The following PTPRD variants were observed in gnomAD, a reference collection of about 807,000 sequenced individuals.
The protein encoded by PTPRD is protein tyrosine phosphatase receptor type D.
Under a neutral mutation model 214.5 loss-of-function variants are expected in PTPRD, and 34 were observed. That is an observed-to-expected ratio of 0.16 (90% CI 0.12 to 0.21). The LOEUF (loss-of-function observed/expected upper bound fraction) is 0.21. Ranked by LOEUF, PTPRD falls within the 10% of genes least tolerant of loss-of-function variation. The pLI is 1.00. For missense variants in PTPRD, 2,545 were observed against 2,398.7 expected (o/e 1.06, Z -1.27); for synonymous variants, 1,128 against 845.7 (o/e 1.33, Z -5.79).
At position 8,783,295 on chromosome 9, in the gene PTPRD, T is replaced by A. The variant is rs149866373; in HGVS notation, c.-103-49349A>T. 3.2e-3 allele frequency among the ~76,000 whole-genome samples: 489 copies of A among 152,340 alleles called. 1 individual carries two copies. Among genetic ancestry groups the A allele is most frequent in the South Asian group, 0.021 (100 of 4,830 alleles). On this transcript the variant is annotated intron_variant, in intron 11 of 45. Coordinates refer to ENST00000381196, the MANE Select transcript of PTPRD (RefSeq NM_002839.4). ...CATAAATAGAGCACAATGTTGGAGT[T>A]ATTAATTTCCCACAAAGTTAAAGAC...
chr9:9,146,948 TTTGAC>T lies in PTPRD; in HGVS notation c.-143+36351_-143+36355del, dbSNP rs528349373. ...AGTGATAATAAGGTCACCCAAAACA[TTTGAC>T]TTGACTTTTTAAAAACATTTTCTGA... On this transcript the variant is annotated intron_variant, in intron 10 of 45. Coordinates refer to ENST00000381196, the MANE Select transcript of PTPRD (RefSeq NM_002839.4). 4.6e-5 allele frequency among the ~76,000 whole-genome samples: 7 copies of T among 152,216 alleles called. No homozygotes were observed. The South Asian group carries it at 1.5e-3, about 32-fold the overall frequency.
chr9:9,477,427 G>T (rs1010627082), intron 8 of PTPRD, among the ~76,000 whole-genome samples: 1 of 152,130 alleles, frequency 6.6e-6, no homozygotes, highest in Non-Finnish European at 1.5e-5. Context: ...ATTAAACTGG[G>T]ACAATAATAT....
intron 2 of PTPRD, among the ~76,000 whole-genome samples, chr9:10,533,701 T>C (rs117029051): frequency 0.039 from 5,895 of 152,112 alleles, 199 homozygotes; most frequent in Middle Eastern, 0.082. Context: ...CCCAATTATA[T>C]AGATATCAGG....
intron 5 of PTPRD, among the ~76,000 whole-genome samples, chr9:9,816,992 T>C (rs1019708304): frequency 2.6e-5 from 4 of 152,042 alleles, no homozygotes; most frequent in African/African-American, 9.7e-5. Context: ...TTTATATACG[T>C]AACTACAGCA....
At chr9:8,856,457 T>A (rs548181294) in intron 11 of PTPRD, among the ~76,000 whole-genome samples, 1 of 152,208 alleles carries the variant, frequency 6.6e-6, no homozygotes, top group Non-Finnish European at 1.5e-5. Flanking sequence ...TTTCAAGTCA[T>A]AAGCAGTTAC....
chr9:8,978,658 C>A (rs2099283704), intron 11 of PTPRD, among the ~76,000 whole-genome samples: 1 of 152,070 alleles, frequency 6.6e-6, no homozygotes, highest in Non-Finnish European at 1.5e-5. Context: ...CCCCACTTCT[C>A]CACCTTGGCT....
At chr9:9,236,857 C>T (rs1265124383) in intron 9 of PTPRD, among the ~76,000 whole-genome samples, 1 of 152,070 alleles carries the variant, frequency 6.6e-6, no homozygotes, top group African/African-American at 2.4e-5. Context: ...TGACTACCGC[C>T]AGCTCTCAAT....
At chr9:8,445,320 A>G (rs1459240257) in intron 34 of PTPRD, among the ~76,000 whole-genome samples, 2 of 152,210 alleles carry the variant, frequency 1.3e-5, no homozygotes, top group African/African-American at 2.4e-5. Flanking sequence ...TGTCTCAAAT[A>G]TAACTTGGCT....
At chr9:9,498,805 T>A (rs941892398) in intron 8 of PTPRD, among the ~76,000 whole-genome samples, 1 of 152,156 alleles carries the variant, frequency 6.6e-6, no homozygotes, top group African/African-American at 2.4e-5. Flanking sequence ...TGATCTGTGA[T>A]AAATACACAA....
intron 12 of PTPRD, among the ~76,000 whole-genome samples, chr9:8,674,842 T>C (rs990509646): frequency 2.0e-5 from 3 of 152,304 alleles, no homozygotes; most frequent in African/African-American, 4.8e-5. Context: ...GTTTTTTGTA[T>C]GTGTTTTTTG....
At chr9:10,552,047 C>T (rs193176694) in intron 2 of PTPRD, among the ~76,000 whole-genome samples, 1 of 152,122 alleles carries the variant, frequency 6.6e-6, no homozygotes, top group Non-Finnish European at 1.5e-5. Flanking sequence ...ACATCTCTCC[C>T]ACAAATTTTC....
intron 3 of PTPRD, among the ~76,000 whole-genome samples, chr9:10,145,089 T>C (rs2099013302): frequency 6.6e-6 from 1 of 152,000 alleles, no homozygotes; most frequent in African/African-American, 2.4e-5. Flanking sequence ...CCCACGAAAA[T>C]ATCTACAGAG....
At chr9:8,356,488 A>G (rs547610296) in intron 39 of PTPRD, among the ~76,000 whole-genome samples, 48 of 152,324 alleles carry the variant, frequency 3.2e-4, no homozygotes, top group Non-Finnish European at 5.9e-4. Context: ...AATGCAGTCT[A>G]GTTCATGCAA....
intron 35 of PTPRD, among the ~76,000 whole-genome samples, chr9:8,425,033 T>A (rs1406287594): frequency 6.6e-6 from 1 of 152,200 alleles, no homozygotes; most frequent in Non-Finnish European, 1.5e-5. Flanking sequence ...CAAAGCATGG[T>A]GGTGTGCCCA....
At chr9:8,716,207 T>G (rs982740329) in intron 12 of PTPRD, among the ~76,000 whole-genome samples, 1 of 152,182 alleles carries the variant, frequency 6.6e-6, no homozygotes, top group South Asian at 2.1e-4. Context: ...CTCCCCACCC[T>G]TGGGCTAGGA....
intron 4 of PTPRD, among the ~76,000 whole-genome samples, chr9:9,947,552 T>A (rs1292240475): frequency 9.9e-5 from 3 of 30,440 alleles, no homozygotes; most frequent in African/African-American, 6.9e-4. Flanking sequence ...ATATATATAT[T>A]ATATATATAT....
intron 9 of PTPRD, among the ~76,000 whole-genome samples, chr9:9,323,398 C>G (rs1967707256): frequency 6.6e-6 from 1 of 152,036 alleles, no homozygotes; most frequent in African/African-American, 2.4e-5. Flanking sequence ...ATTATCCTAA[C>G]CTTAAGGTTG....
At chr9:9,307,204 G>A (rs1957410611) in intron 9 of PTPRD, among the ~76,000 whole-genome samples, 1 of 152,132 alleles carries the variant, frequency 6.6e-6, no homozygotes, top group South Asian at 2.1e-4. Flanking sequence ...AAATTGTTTG[G>A]ATGGAGAGAA....
chr9:8,644,071 C>T (rs2096635960), intron 12 of PTPRD, among the ~76,000 whole-genome samples: 1 of 152,142 alleles, frequency 6.6e-6, no homozygotes, highest in Non-Finnish European at 1.5e-5. Flanking sequence ...CAGGCTCAGC[C>T]AAAGCAAAGC....
Sources: gnomAD v4.1 joint callset for allele counts (sites outside exome capture counted in the v4.1 genomes callset) on GRCh38, gnomAD v4.1.1 for gene constraint, MANE v1.5 for transcripts, NCBI Gene and HGNC (gene_info 2026-07-23, HGNC 2026-07-21) for gene names.